Variants in TMTC2 observed in about 807,000 individuals in gnomAD.
TMTC2 encodes protein O-mannosyl-transferase TMTC2.
Under a neutral mutation model 82.4 loss-of-function variants are expected in TMTC2, and 43 were observed. That is an observed-to-expected ratio of 0.52 (90% CI 0.41 to 0.67). The LOEUF is 0.67. TMTC2 is among the 30% of genes least tolerant of loss of function. The pLI, the probability that TMTC2 is intolerant of heterozygous loss-of-function variation, is 0.00. For synonymous variants in TMTC2, 408 were observed against 381.9 expected, an observed-to-expected ratio of 1.07 and a Z score of -0.80; for missense variants, 919 against 1,012.4, an observed-to-expected ratio of 0.91 and a Z score of 1.25.
At chr12:82,885,891 G>A (rs993140685) in intron 2 of TMTC2, among the ~76,000 whole-genome samples, 1 of 152,112 alleles carries the variant, frequency 6.6e-6, no homozygotes, top group Non-Finnish European at 1.5e-5. Flanking sequence ...AAGTCACTAT[G>A]CACAGACCAC....
chr12:82,885,850 C>G (rs1274425574), intron 2 of TMTC2, among the ~76,000 whole-genome samples: 1 of 152,132 alleles, frequency 6.6e-6, no homozygotes, highest in Non-Finnish European at 1.5e-5. Flanking sequence ...ATCTTCCCAC[C>G]CAACCAGTTC....
At chr12:82,748,855 C>A (rs1875826497) in intron 1 of TMTC2, among the ~76,000 whole-genome samples, 2 of 152,220 alleles carry the variant, frequency 1.3e-5, no homozygotes, top group East Asian at 1.9e-4. Context: ...CCAGCCTGGG[C>A]AACAAGAGCA....
At chr12:82,787,635 G>A (rs1375253924) in intron 1 of TMTC2, among the ~76,000 whole-genome samples, 1 of 152,094 alleles carries the variant, frequency 6.6e-6, no homozygotes, top group South Asian at 2.1e-4. Context: ...CTGGCCAGAC[G>A]CAGTTGCTCA....
intron 1 of TMTC2, among the ~76,000 whole-genome samples, chr12:82,744,895 A>T (rs1272554145): frequency 6.6e-6 from 1 of 152,196 alleles, no homozygotes; most frequent in Non-Finnish European, 1.5e-5. Context: ...TATCTTTCAG[A>T]AAATAACTTT....
intron 11 of TMTC2, among the ~76,000 whole-genome samples, chr12:83,083,963 C>T (rs1484550616): frequency 1.3e-5 from 2 of 152,194 alleles, no homozygotes; most frequent in Admixed American, 1.3e-4. Flanking sequence ...ACTTTTAACT[C>T]TTGCTGAATG....
rs768703605 is a variant in TMTC2 at position 82,832,228 on chromosome 12, T to TA, written c.84-24772dup. ...AGCTGAATTCATTTGGCTGTGAAGT[T>TA]AAAAAAAAAATCTTTAAAATATAAC... On this transcript the variant is annotated intron_variant, in intron 1 of 11. Coordinates refer to ENST00000321196, the MANE Select transcript of TMTC2 (RefSeq NM_152588.3). 3.5e-4 allele frequency among the ~76,000 whole-genome samples: 52 copies of TA among 149,892 alleles called. No individual in the cohort carries two copies. In the East Asian group the frequency reaches 3.7e-3, roughly 11 times the overall value.
At chr12:82,864,763 C>G (rs1384889390) in intron 2 of TMTC2, among the ~76,000 whole-genome samples, 1 of 151,470 alleles carries the variant, frequency 6.6e-6, no homozygotes, top group Non-Finnish European at 1.5e-5. Flanking sequence ...GGCCTCCCAA[C>G]ATGCTGGGAT....
chr12:83,005,224 A>AAAAAAAAAG (rs1555204787), intron 8 of TMTC2, among the ~76,000 whole-genome samples: 1 of 12,660 alleles, frequency 7.9e-5, no homozygotes, highest in African/African-American at 1.1e-4. Flanking sequence ...AAAAAAAAAA[A>AAAAAAAAAG]GGGGAGAGAG....
chr12:82,876,061 T>C (rs1592594211), intron 2 of TMTC2, among the ~76,000 whole-genome samples: 2 of 113,544 alleles, frequency 1.8e-5, no homozygotes, highest in Admixed American at 8.4e-5. Context: ...GTGGTGGTGG[T>C]GGTGGTGATG....
chr12:82,783,448 A>G (rs1188319063), intron 1 of TMTC2, among the ~76,000 whole-genome samples: 3 of 151,984 alleles, frequency 2.0e-5, no homozygotes, highest in Non-Finnish European at 2.9e-5. Flanking sequence ...TTTTGTTGCC[A>G]TTGATCTGAC....
At chr12:83,113,840 T>C (rs1341357058) in intron 11 of TMTC2, among the ~76,000 whole-genome samples, 2 of 152,248 alleles carry the variant, frequency 1.3e-5, no homozygotes, top group East Asian at 1.9e-4. Flanking sequence ...GAAATTGCTG[T>C]GCTCCTGCCC....
At chr12:82,790,165 C>A (rs1413519762) in intron 1 of TMTC2, among the ~76,000 whole-genome samples, 1 of 144,288 alleles carries the variant, frequency 6.9e-6, no homozygotes. Context: ...TTGGGTGAGA[C>A]CTTGTCTCTT....
At chr12:82,735,408 C>T (rs190029229) in intron 1 of TMTC2, among the ~76,000 whole-genome samples, 15 of 150,984 alleles carry the variant, frequency 9.9e-5, no homozygotes, top group South Asian at 4.2e-4. Flanking sequence ...TGCAGTGGCG[C>T]GATCTCGGCT....
At chr12:83,083,704 A>G (rs1191612078) in intron 11 of TMTC2, among the ~76,000 whole-genome samples, 2 of 152,188 alleles carry the variant, frequency 1.3e-5, no homozygotes, top group African/African-American at 4.8e-5. Context: ...TGCAGCACTG[A>G]GTGTGGTTCT....
chr12:82,766,191 C>A (rs921913422), intron 1 of TMTC2, among the ~76,000 whole-genome samples: 3 of 152,196 alleles, frequency 2.0e-5, no homozygotes, highest in African/African-American at 4.8e-5. Context: ...CACCTCAGGG[C>A]AGAGTATGCT....
chr12:82,942,945 A>T (rs1295031076), intron 4 of TMTC2, among the ~76,000 whole-genome samples: 1 of 152,238 alleles, frequency 6.6e-6, no homozygotes, highest in Non-Finnish European at 1.5e-5. Flanking sequence ...TGTATATAAC[A>T]TAAAATTTTA....
At chr12:82,899,772 T>C (rs566245244) in intron 3 of TMTC2, among the ~76,000 whole-genome samples, 2 of 145,530 alleles carry the variant, frequency 1.4e-5, no homozygotes, top group South Asian at 4.2e-4. Flanking sequence ...ATATGTGGAA[T>C]ATATATATAA....
At chr12:82,724,026 AC>A (rs1874328704) in intron 1 of TMTC2, among the ~76,000 whole-genome samples, 1 of 152,224 alleles carries the variant, frequency 6.6e-6, no homozygotes, top group Non-Finnish European at 1.5e-5. Flanking sequence ...AAATGGGGAT[AC>A]AAAGAACTTC....
chr12:83,032,078 TC>T (rs1881450266), intron 9 of TMTC2, among the ~76,000 whole-genome samples: 1 of 151,934 alleles, frequency 6.6e-6, no homozygotes, highest in Admixed American at 6.6e-5. Flanking sequence ...ACCTCAACTG[TC>T]CATGAATGTC....
Sources: allele counts gnomAD v4.1 joint callset (sites outside exome capture counted in the v4.1 genomes callset), GRCh38; gene constraint gnomAD v4.1.1; transcripts MANE v1.5; gene names NCBI Gene and HGNC (gene_info 2026-07-23, HGNC 2026-07-21).